Variants in C13orf42 observed in about 807,000 individuals in gnomAD.
C13orf42 encodes the protein chromosome 13 open reading frame 42.
At chr13:51,104,564 C>A (rs576804702) in intron 1 of C13orf42, among the ~76,000 whole-genome samples, 1 of 152,136 alleles carries the variant, frequency 6.6e-6, no homozygotes, top group Non-Finnish European at 1.5e-5. Flanking sequence ...CTAAAAGGCA[C>A]TCATTTCAGG....
chr13:51,170,100 C>T (rs953064985), intron 1 of C13orf42, among the ~76,000 whole-genome samples: 5 of 152,156 alleles, frequency 3.3e-5, no homozygotes, highest in East Asian at 1.9e-4. Context: ...AGCACCCCCA[C>T]TGAGCACCTT....
chr13:51,142,755 A>G (rs1445009864), intron 1 of C13orf42, among the ~76,000 whole-genome samples: 1 of 152,026 alleles, frequency 6.6e-6, no homozygotes, highest in Non-Finnish European at 1.5e-5. Context: ...ATACAAATAA[A>G]GAGGTAATTT....
chr13:51,161,859 CA>C, intron 1 of C13orf42: 4 of 460,526 alleles, frequency 8.7e-6, no homozygotes, highest in Admixed American at 4.4e-5. Context: ...CTCAGAGCCC[CA>C]AAAACTTTAT....
chr13:51,110,648 C>A, intron 1 of C13orf42, 148 bp downstream of exon 1: 1 of 395,668 alleles, frequency 2.5e-6, no homozygotes, highest in Non-Finnish European at 4.4e-6. Flanking sequence ...GGGGATATGG[C>A]CGCATAAAGC....
intron 1 of C13orf42, among the ~76,000 whole-genome samples, chr13:51,170,401 A>C (rs1467810719): frequency 2.6e-5 from 4 of 152,092 alleles, no homozygotes; most frequent in Non-Finnish European, 5.9e-5. Context: ...AGAAACATCC[A>C]CCTACGACCT....
chr13:51,086,064 T>C (rs1249597117), intron 2 of C13orf42, among the ~76,000 whole-genome samples: 1 of 151,638 alleles, frequency 6.6e-6, no homozygotes. Context: ...CCCAACACTT[T>C]GGGAGGCTGA....
intron 1 of C13orf42, among the ~76,000 whole-genome samples, chr13:51,156,121 G>T (rs2138043190): frequency 6.6e-6 from 1 of 152,316 alleles, no homozygotes; most frequent in East Asian, 1.9e-4. Context: ...TAACCCAGGG[G>T]TTCTCTTGGG....
chr13:51,114,330 TA>T (rs1233038710), upstream of C13orf42, among the ~76,000 whole-genome samples: 3 of 152,344 alleles, frequency 2.0e-5, no homozygotes, highest in Non-Finnish European at 4.4e-5. Context: ...ACCTATTTCA[TA>T]GGGCTGGTGT....
chr13:51,092,623 A>G (rs901694486), intron 1 of C13orf42, among the ~76,000 whole-genome samples: 1 of 152,026 alleles, frequency 6.6e-6, no homozygotes, highest in Non-Finnish European at 1.5e-5. Flanking sequence ...AGTTTCCATA[A>G]AAGAAATTAT....
intron 1 of C13orf42, among the ~76,000 whole-genome samples, chr13:51,127,928 TAGG>T (rs1255638226): frequency 5.3e-5 from 8 of 152,162 alleles, no homozygotes; most frequent in Non-Finnish European, 1.2e-4. Context: ...CAGGATGAGA[TAGG>T]AGGTCGGCAC....
chr13:51,106,480 G>A (rs1953356841), intron 1 of C13orf42, among the ~76,000 whole-genome samples: 1 of 152,204 alleles, frequency 6.6e-6, no homozygotes, highest in Admixed American at 6.5e-5. Flanking sequence ...AAGGGTGTGA[G>A]TTCTGGCACG....
chr13:51,116,176 T>A (rs1282593047), upstream of C13orf42, among the ~76,000 whole-genome samples: 2 of 152,134 alleles, frequency 1.3e-5, no homozygotes, highest in Non-Finnish European at 2.9e-5. Context: ...CGGGACTATA[T>A]CCTCCTTTAG....
intron 1 of C13orf42, among the ~76,000 whole-genome samples, chr13:51,127,616 G>A (rs1286694525): frequency 6.6e-6 from 1 of 152,114 alleles, no homozygotes; most frequent in Non-Finnish European, 1.5e-5. Context: ...GGTGGTGGGG[G>A]TCTTGGGTGT....
At chr13:51,092,966 T>A (rs1048687371) in intron 1 of C13orf42, among the ~76,000 whole-genome samples, 18 of 152,176 alleles carry the variant, frequency 1.2e-4, no homozygotes, top group Non-Finnish European at 2.5e-4. Flanking sequence ...ATAATTTTAC[T>A]CATAAATACT....
At chr13:51,124,024 C>T (rs1953556726) in intron 1 of C13orf42, among the ~76,000 whole-genome samples, 1 of 152,168 alleles carries the variant, frequency 6.6e-6, no homozygotes, top group South Asian at 2.1e-4. Context: ...TTTGCAACTT[C>T]CCCACTTACT....
At chr13:51,095,312 C>T (rs79773986) in intron 1 of C13orf42, among the ~76,000 whole-genome samples, 1 of 151,460 alleles carries the variant, frequency 6.6e-6, no homozygotes, top group East Asian at 1.9e-4. Flanking sequence ...ACTGTTGTTG[C>T]TGTTGTTGTT....
chr13:51,165,994 CT>C (rs1953899449), intron 1 of C13orf42, among the ~76,000 whole-genome samples: 4 of 152,324 alleles, frequency 2.6e-5, no homozygotes, highest in Middle Eastern at 6.8e-3. Context: ...CTTACTTAAT[CT>C]TCATAGTCAT....
chr13:51,165,343 G>C (rs73488047), intron 1 of C13orf42, among the ~76,000 whole-genome samples: 5,724 of 152,216 alleles, frequency 0.038, 357 homozygotes, highest in African/African-American at 0.13. Context: ...TCCAGATACT[G>C]CATTATCTAT....
intron 1 of C13orf42, among the ~76,000 whole-genome samples, chr13:51,137,612 C>A (rs1953667166): frequency 6.6e-6 from 1 of 152,228 alleles, no homozygotes; most frequent in African/African-American, 2.4e-5. Context: ...CCAAGCACAA[C>A]AGAAAGGGGG....
Sources: allele counts gnomAD v4.1 joint callset (sites outside exome capture counted in the v4.1 genomes callset), GRCh38; gene constraint gnomAD v4.1.1; transcripts MANE v1.5; gene names NCBI Gene and HGNC (gene_info 2026-07-23, HGNC 2026-07-21).